CYP2A6: variants seen among roughly 807,000 people sequenced by gnomAD.
The protein encoded by CYP2A6 is cytochrome P450 2A6.
CYP2A6 carries 27 observed loss-of-function variants against 42.3 expected under a neutral mutation model. The ratio of observed to expected loss-of-function variants is 0.64; its 90% confidence interval spans 0.47 to 0.88. The LOEUF is 0.88. Among genes scored for constraint, CYP2A6 ranks in the 40% least tolerant of loss-of-function variants. The pLI is 0.00. For missense variants in CYP2A6, 628 were observed against 646.0 expected (o/e 0.97, Z 0.30); for synonymous variants, 238 against 246.3 (o/e 0.97, Z 0.31).
intron 4 of CYP2A6, 106 bp from the exon 5 acceptor site, chr19:40,847,157 A>G (rs1967116146): frequency 6.7e-7 from 1 of 1,482,988 alleles, no homozygotes; most frequent in Non-Finnish European, 9.0e-7. Flanking sequence ...AGTTAAAGGC[A>G]TCTGTCTCGT....
intron 2 of CYP2A6, among the ~76,000 whole-genome samples, chr19:40,849,482 A>G (rs1275073344): frequency 2.6e-5 from 4 of 151,352 alleles, no homozygotes; most frequent in Non-Finnish European, 4.4e-5. Flanking sequence ...CCCAGAAGCT[A>G]AGAGGGACAA....
chr19:40,845,247 G>A, intron 7 of CYP2A6, 47 bp downstream of exon 7: 1 of 1,607,036 alleles, frequency 6.2e-7, no homozygotes, highest in South Asian at 1.1e-5. Flanking sequence ...GGGACACAGA[G>A]AGGGGCTGGA....
At chr19:40,846,669 C>T (rs568362425) in intron 5 of CYP2A6, among the ~76,000 whole-genome samples, 20 of 151,184 alleles carry the variant, frequency 1.3e-4, no homozygotes, top group African/African-American at 2.7e-4. Flanking sequence ...AGGCTGGTCT[C>T]GAACTCCTGA....
chr19:40,846,202 G>C, intron 5 of CYP2A6, 105 bp from the exon 6 acceptor site: 1 of 1,495,850 alleles, frequency 6.7e-7, no homozygotes, highest in Non-Finnish European at 9.0e-7. Flanking sequence ...ACCAAAGGTG[G>C]AAAGAGGGAC....
chr19:40,850,251 A>T lies in CYP2A6; in HGVS notation c.176T>A (p.Met59Lys). 1 of 1,607,816 alleles carries T rather than the reference A, an allele frequency of 6.2e-7. No homozygotes were observed. The highest frequency in any genetic ancestry group is 8.5e-7 in the Non-Finnish European group (1 of 1,177,342). ...CATCTCCCTGCCTTGGGACACCTTC[A>T]TGAGGGAGTTGTACATCTGCTCTGT... Reference protein sequence around the residue: ...LNTEQMYNSLMKISERYGPVF... With the variant: ...LNTEQMYNSLKKISERYGPVF... Residue 59 changes from methionine to lysine, a missense_variant, in exon 1 of 9, where the codon ATG (methionine) becomes AAG (lysine). Coordinates refer to ENST00000301141, the MANE Select transcript of CYP2A6 (RefSeq NM_000762.6).
rs1230241626 is a variant in CYP2A6 at position 40,844,494 on chromosome 19, C to T, written c.1303+137G>A. On this transcript the variant is annotated intron_variant, in intron 8 of 8. Transcript: ENST00000301141. ...TGCTTGGTAGTTAAGGAAGTATCAG[C>T]TGCTGGCTCAAGGGTAGATTCTAAC... The T allele has an allele frequency of 2.3e-5, 33 of 1,458,888 alleles. No homozygotes were observed. In the Admixed American group the frequency reaches 5.6e-4, roughly 25 times the overall value. 90.4% of individuals were successfully genotyped at this position (1,458,888 alleles called of 1,614,324 possible). A position where few individuals can be genotyped will look rare whatever the true frequency, so the allele number is the denominator to read the frequency against.
intron 7 of CYP2A6, chr19:40,845,031 G>T (rs1169318069): frequency 9.4e-5 from 61 of 646,996 alleles, no homozygotes; most frequent in Middle Eastern, 4.1e-4. Context: ...ACAAAAGGCC[G>T]AATGGAAAGG....
chr19:40,844,220 T>A (rs1434739622), intron 8 of CYP2A6, among the ~76,000 whole-genome samples: 1 of 151,368 alleles, frequency 6.6e-6, no homozygotes, highest in Non-Finnish European at 1.5e-5. Context: ...TAGGGTTTAC[T>A]CTGTGTTATA....
chr19:40,848,979 GAGAGAGAGGAGAGAGAGAGAGAGAGA>G lies in CYP2A6; in HGVS notation c.344-242_344-217del, dbSNP rs1568516009. Among the ~76,000 whole-genome samples the G allele has an allele frequency of 2.2e-4, 23 of 103,626 alleles. 2 individuals are homozygous for G. The highest frequency in any genetic ancestry group is 8.3e-4 in the African/African-American group (20 of 24,142). 68.0% of individuals were successfully genotyped at this position (103,626 alleles called of 152,430 possible). A position where few individuals can be genotyped will look rare whatever the true frequency, so the allele number is the denominator to read the frequency against. On this transcript the variant is annotated intron_variant, in intron 2 of 8. Transcript: ENST00000301141. Reference sequence around the variant, plus strand: ...GAGAGAGAGAGAGAGAGAGAGAGAAGAGAGAGAGGAGAGAGAGAGAGAGAGAGAGAGAAGAGAGAGAGGAGAGAGAG... The same window carrying G: ...GAGAGAGAGAGAGAGAGAGAGAGAAGGAGAGAAGAGAGAGAGGAGAGAGAG...
chr19:40,849,040 AGAGAGG>A (rs1967168606), intron 2 of CYP2A6, among the ~76,000 whole-genome samples: 2 of 40,736 alleles, frequency 4.9e-5, no homozygotes, highest in African/African-American at 1.6e-4. Flanking sequence ...GAGAGAAGAG[AGAGAGG>A]AGAGAGAGAG....
rs746414056 is a variant in CYP2A6, at chr19:40,848,192, G to A, written c.654+27C>T. 7.3e-5 allele frequency: 118 copies of A among 1,609,318 alleles called. 1 individual carries two copies. Among genetic ancestry groups the A allele is most frequent in the Non-Finnish European group, 8.9e-5 (105 of 1,178,380 alleles). ...GCAGTTGGCAGGTTGTGGTAGGGGC[G>A]TCACGGGCCGGGCTGCAGCCAGTTA... On this transcript the variant is annotated intron_variant, in intron 4 of 8. Transcript: ENST00000301141.
In CYP2A6 at chr19:40,848,203, G is replaced by T. The variant is rs748845317; in HGVS notation, c.654+16C>A. On this transcript the variant is annotated intron_variant, in intron 4 of 8. Coordinates refer to ENST00000301141, the MANE Select transcript of CYP2A6 (RefSeq NM_000762.6). ...GTTGTGGTAGGGGCGTCACGGGCCG[G>T]GCTGCAGCCAGTTACCTGCCCCGTG... is the stretch of plus-strand genomic sequence containing the variant. The T allele has an allele frequency of 6.2e-7, 1 of 1,610,858 alleles. No homozygotes were observed. The highest frequency in any genetic ancestry group is 8.5e-7 in the Non-Finnish European group (1 of 1,179,390).
chr19:40,848,270 C>A lies in CYP2A6; in HGVS notation c.603G>T (p.Leu201=), dbSNP rs778827400. Residue 201 remains leucine (L), a synonymous_variant, in exon 4 of 9, where the codon CTG becomes CTT. Coordinates refer to ENST00000301141, the MANE Select transcript of CYP2A6 (RefSeq NM_000762.6). ...FDYKDKEFLS[L]LRMMLGIFQF... ...GGAAGATTCCTAGCATCATGCGCAA[C>A]AGTGACAGGAACTCTTTGTCCTTAT... 6.2e-7 allele frequency: 1 copy of A among 1,611,878 alleles called. No individual in the cohort carries two copies. Among genetic ancestry groups the A allele is most frequent in the Non-Finnish European group, 8.5e-7 (1 of 1,179,956 alleles).
intron 2 of CYP2A6, 124 bp from the exon 3 acceptor site, chr19:40,848,887 G>T: frequency 8.6e-7 from 1 of 1,165,724 alleles, no homozygotes; most frequent in Non-Finnish European, 1.2e-6. Context: ...GATGGATTCA[G>T]CGCCATTGCC....
chr19:40,844,093 G>A lies in CYP2A6; in HGVS notation c.1304-116C>T, dbSNP rs527665782. 359 of 1,463,274 alleles carry A rather than the reference G, an allele frequency of 2.5e-4. 12 individuals carry two copies. The South Asian group carries it at 5.0e-3, about 20-fold the overall frequency. The allele number at this position is 1,463,274 out of a possible 1,614,324, so 90.6% of individuals were successfully genotyped here. On this transcript the variant is annotated intron_variant, in intron 8 of 8. Coordinates refer to ENST00000301141, the MANE Select transcript of CYP2A6 (RefSeq NM_000762.6). The stretch of plus-strand genomic sequence containing the variant: ...GAGGAAGGGTGGAATATTATGGCCT[G>A]AGAGAGTTTCAGAGGAGGCTCTGAT...
At position 40,846,029 on chromosome 19, in the gene CYP2A6, A is replaced by G. The variant is rs1449265959; in HGVS notation, c.900T>C (p.Ile300=). 1 of 1,611,210 alleles carries G rather than the reference A, an allele frequency of 6.2e-7. No individual in the cohort carries two copies. Among genetic ancestry groups the G allele is most frequent in the East Asian group, 2.3e-5 (1 of 43,334 alleles). ...NLVMTTLNLF[I]GGTETVSTTL... is the part of the protein sequence containing the mutation. ...TGGTGCTGACGGTCTCGGTGCCCCCAATGAAGAGGTTCAACGTGGTCATCA... is the reference window on the plus strand; with the variant it reads ...TGGTGCTGACGGTCTCGGTGCCCCCGATGAAGAGGTTCAACGTGGTCATCA... Residue 300 remains isoleucine, a synonymous_variant, in exon 6 of 9, where the codon ATT becomes ATC. Transcript: ENST00000301141.
At position 40,848,741 on chromosome 19, in the gene CYP2A6, C is replaced by T. The variant is rs748658865; in HGVS notation, c.366G>A (p.Glu122=). 22 of 1,611,462 alleles carry T rather than the reference C, an allele frequency of 1.4e-5. No homozygotes were observed. The highest frequency in any genetic ancestry group is 1.9e-5 in the Non-Finnish European group (22 of 1,179,854). ...AGAAGCGCCGGAGCTGCTTGGCGCGCTCCCCGTTGCTGAATACCACGCCTG... is the reference window on the plus strand; with the variant it reads ...AGAAGCGCCGGAGCTGCTTGGCGCGTTCCCCGTTGCTGAATACCACGCCTG... ...KGYGVVFSNG[E]RAKQLRRFSI... is the part of the protein sequence containing the mutation. Residue 122 remains glutamate (E), a synonymous_variant, in exon 3 of 9, where the codon GAG becomes GAA. Transcript: ENST00000301141.
chr19:40,850,089 A>G, intron 1 of CYP2A6, 109 bp from the exon 2 acceptor site: 2 of 1,541,990 alleles, frequency 1.3e-6, no homozygotes, highest in Non-Finnish European at 8.7e-7. Context: ...TCTCACAGTC[A>G]GGGAGCTGGA....
Position 40,848,264 on chromosome 19 carries a change from G to A in CYP2A6, c.609C>T (p.Arg203=). 1 of 1,610,740 alleles carries A rather than the reference G, an allele frequency of 6.2e-7. No individual in the cohort carries two copies. Among genetic ancestry groups the A allele is most frequent in the Non-Finnish European group, 8.5e-7 (1 of 1,179,942 alleles). ...YKDKEFLSLL[R]MMLGIFQFTS... is the part of the protein sequence containing the mutation. Reference sequence around the variant, plus strand: ...TGAACTGGAAGATTCCTAGCATCATGCGCAACAGTGACAGGAACTCTTTGT... The same window carrying A: ...TGAACTGGAAGATTCCTAGCATCATACGCAACAGTGACAGGAACTCTTTGT... Residue 203 remains arginine, a synonymous_variant, in exon 4 of 9, where the codon CGC becomes CGT. Transcript: ENST00000301141.
Sources: gnomAD v4.1 joint callset for allele counts (sites outside exome capture counted in the v4.1 genomes callset) on GRCh38, gnomAD v4.1.1 for gene constraint, MANE v1.5 for transcripts, NCBI Gene and HGNC (gene_info 2026-07-23, HGNC 2026-07-21) for gene names.